Variants in RSPO3 observed in about 807,000 individuals in gnomAD.
The protein encoded by RSPO3 is R-spondin-3.
In RSPO3, 17 loss-of-function variants were observed where a neutral mutation model predicts 36.5. That is an observed-to-expected ratio of 0.47 (90% CI 0.32 to 0.70). The LOEUF (loss-of-function observed/expected upper bound fraction) is 0.70. Ranked by LOEUF, RSPO3 falls within the 30% of genes least tolerant of loss-of-function variation. The probability of loss-of-function intolerance (pLI) is 0.04; values close to 1 mark genes in which losing one functional copy is unlikely to be tolerated. For missense variants in RSPO3, 294 were observed against 322.5 expected, an observed-to-expected ratio of 0.91 and a Z score of 0.68; for synonymous variants, 108 against 107.0, an observed-to-expected ratio of 1.01 and a Z score of -0.06.
At position 127,197,611 on chromosome 6, in the gene RSPO3, C is replaced by A; in HGVS notation, c.*1604C>A. ...GTGATTCCTAGCCCTCTCAAGATCA[C>A]TGCTTTCTGAAGAATTTGCAATGAC... On this transcript the variant is annotated 3_prime_UTR_variant, in exon 5 of 5. Transcript: ENST00000356698. 6.8e-7 allele frequency: 1 copy of A among 1,464,010 alleles called. No homozygotes were observed. Among genetic ancestry groups the A allele is most frequent in the Non-Finnish European group, 9.1e-7 (1 of 1,102,246 alleles). The allele number at this position is 1,464,010 out of a possible 1,614,324, so 90.7% of individuals were successfully genotyped here.
chr6:127,157,164 A>G (rs1483499508), intron 4 of RSPO3, among the ~76,000 whole-genome samples: 1 of 152,142 alleles, frequency 6.6e-6, no homozygotes, highest in Non-Finnish European at 1.5e-5. Context: ...CAAATATTTC[A>G]TCACTCTACT....
Position 127,197,604 on chromosome 6 carries a change from A to C in RSPO3, c.*1597A>C. ...GTCCACTGTGATTCCTAGCCCTCTC[A>C]AGATCACTGCTTTCTGAAGAATTTG... On this transcript the variant is annotated 3_prime_UTR_variant, in exon 5 of 5. Transcript: ENST00000356698. The C allele has an allele frequency of 4.9e-5, 73 of 1,478,454 alleles. No individual in the cohort carries two copies. Among genetic ancestry groups the C allele is most frequent in the Non-Finnish European group, 5.5e-5 (61 of 1,109,378 alleles). The allele number at this position is 1,478,454 out of a possible 1,614,324, so 91.6% of individuals were successfully genotyped here.
Position 127,144,643 on chromosome 6 carries a change from G to GTTTTTTT in RSPO3, c.98-3998_98-3992dup, listed in dbSNP as rs56388820. On this transcript the variant is annotated intron_variant, in intron 1 of 4. Coordinates refer to ENST00000356698, the MANE Select transcript of RSPO3 (RefSeq NM_032784.5). ...TGTAATTTTTCAGTAGCTTCCCCTT[G>GTTTTTTT]TTTTTTTTTTTTTCAGACAGAGTCT... Among the ~76,000 whole-genome samples, 15 of 99,120 alleles carry GTTTTTTT rather than the reference G, an allele frequency of 1.5e-4. 2 individuals carry two copies. The highest frequency in any genetic ancestry group is 5.8e-4 in the African/African-American group (14 of 24,108). 65.0% of individuals were successfully genotyped at this position (99,120 alleles called of 152,430 possible).
chr6:127,124,072 A>G (rs1240558775), intron 1 of RSPO3, among the ~76,000 whole-genome samples: 1 of 152,078 alleles, frequency 6.6e-6, no homozygotes, highest in Non-Finnish European at 1.5e-5. Flanking sequence ...ATCCTATGCA[A>G]TGTTGGCAGA....
chr6:127,173,019 C>T (rs1774972450), intron 4 of RSPO3, among the ~76,000 whole-genome samples: 1 of 151,770 alleles, frequency 6.6e-6, no homozygotes, highest in African/African-American at 2.4e-5. Context: ...CACTTTTGCC[C>T]TGTGTTCAAG....
At chr6:127,166,475 A>G (rs1774822797) in intron 4 of RSPO3, among the ~76,000 whole-genome samples, 3 of 152,004 alleles carry the variant, frequency 2.0e-5, no homozygotes, top group Admixed American at 1.3e-4. Context: ...AACTATCGCT[A>G]TGACTTTAAG....
chr6:127,174,635 GAACTAGT>G (rs61097238), intron 4 of RSPO3, among the ~76,000 whole-genome samples: 70,292 of 151,056 alleles, frequency 0.47, 16,436 homozygotes, highest in East Asian at 0.53. Context: ...CACTAGAATG[GAACTAGT>G]CTTACTCTGT....
Position 127,119,225 on chromosome 6 carries a change from C to G in RSPO3, c.33C>G (p.Ile11Met). MHLRLISWLF[I>M]ILNFMEYIGS... ...TGCGACTGATTTCTTGGCTTTTTAT[C>G]ATTTTGAACTTTATGGAATACATCG... Residue 11 changes from isoleucine (I) to methionine (M), a missense_variant, in exon 1 of 5, where the codon ATC (isoleucine) becomes ATG (methionine). Coordinates refer to ENST00000356698, the MANE Select transcript of RSPO3 (RefSeq NM_032784.5). 6.2e-7 allele frequency: 1 copy of G among 1,613,912 alleles called. No homozygotes were observed.
intron 1 of RSPO3, among the ~76,000 whole-genome samples, chr6:127,144,517 C>G (rs1774340328): frequency 6.6e-6 from 1 of 151,962 alleles, no homozygotes; most frequent in Non-Finnish European, 1.5e-5. Context: ...CTGAAAGCAA[C>G]AGTGAGTGAC....
intron 3 of RSPO3, among the ~76,000 whole-genome samples, chr6:127,151,255 T>A (rs1048591044): frequency 3.9e-5 from 6 of 151,960 alleles, no homozygotes; most frequent in Non-Finnish European, 8.8e-5. Flanking sequence ...CTGGGGCTGA[T>A]TAATTGCAGG....
At chr6:127,188,761 G>A (rs1411577324) in intron 4 of RSPO3, among the ~76,000 whole-genome samples, 1 of 152,096 alleles carries the variant, frequency 6.6e-6, no homozygotes, top group Admixed American at 6.6e-5. Context: ...TTTCTGATAA[G>A]CAGCTTTTCC....
chr6:127,196,003 A>G lies in RSPO3; in HGVS notation c.815A>G (p.His272Arg), dbSNP rs1775508481. Residue 272 changes from histidine (H) to arginine (R), a missense_variant, in exon 5 of 5, where the codon CAC becomes CGC. Physicochemically the swap from His to Arg is conservative, Grantham distance 29 (BLOSUM62 0). This residue lies in a region of RSPO3 where 190 missense variants were observed against 185.2 expected (regional missense o/e 1.03). Coordinates refer to ENST00000356698, the MANE Select transcript of RSPO3 (RefSeq NM_032784.5). ...KQKSVSVSTV[H>R] is the part of the protein sequence containing the mutation. ...AAATCGGTATCAGTCAGCACTGTAC[A>G]CTAGAGGGTTCCATGAGATTATTGT... 2.5e-6 allele frequency: 4 copies of G among 1,602,256 alleles called. No individual in the cohort carries two copies. Among genetic ancestry groups the G allele is most frequent in the Middle Eastern group, 1.7e-4 (1 of 6,016 alleles).
intron 1 of RSPO3, among the ~76,000 whole-genome samples, chr6:127,141,463 A>C (rs549125652): frequency 6.6e-6 from 1 of 152,140 alleles, no homozygotes; most frequent in Non-Finnish European, 1.5e-5. Context: ...CTGTGGCTTT[A>C]TTTTAAAGTA....
In RSPO3 at chr6:127,183,377, C is replaced by A. The variant is rs116890375; in HGVS notation, c.635-12446C>A. Among the ~76,000 whole-genome samples, 232 of 152,040 alleles carry A rather than the reference C, an allele frequency of 1.5e-3. 2 individuals carry two copies. In the East Asian group the frequency reaches 0.037, roughly 24 times the overall value. On this transcript the variant is annotated intron_variant, in intron 4 of 4. Transcript: ENST00000356698. ...AAACATGATATAGCTCTCTGGAGTT[C>A]ACTGTAATCTCTTGAAGCTGATATT...
chr6:127,134,900 T>A (rs1249487919), intron 1 of RSPO3, among the ~76,000 whole-genome samples: 1 of 152,174 alleles, frequency 6.6e-6, no homozygotes, highest in Non-Finnish European at 1.5e-5. Context: ...TCTGACCTAA[T>A]GAATAGCTTT....
intron 4 of RSPO3, among the ~76,000 whole-genome samples, chr6:127,189,110 T>C (rs1775357021): frequency 1.3e-5 from 2 of 152,114 alleles, no homozygotes; most frequent in East Asian, 1.9e-4. Context: ...CTAATAAAAG[T>C]GTGTGTTGAA....
At chr6:127,120,325 C>A (rs553174480) in intron 1 of RSPO3, among the ~76,000 whole-genome samples, 1 of 152,276 alleles carries the variant, frequency 6.6e-6, no homozygotes, top group South Asian at 2.1e-4. Flanking sequence ...GGAGTCCTTT[C>A]GCAGATCTCA....
In RSPO3 at chr6:127,118,928, C is replaced by A. The variant is rs1773773798; in HGVS notation, c.-265C>A. ...GCGGCCGCCCCGGCGGCTCCTGGAA[C>A]CCCGGTTCGCGGCGATGCCAGCCAC... On this transcript the variant is annotated 5_prime_UTR_variant, in exon 1 of 5. Transcript: ENST00000356698. 3.6e-6 allele frequency: 1 copy of A among 280,342 alleles called. No homozygotes were observed. The highest frequency in any genetic ancestry group is 6.6e-6 in the Non-Finnish European group (1 of 151,892). The allele number at this position is 280,342 out of a possible 1,614,324, so 17.4% of individuals were successfully genotyped here. A position where few individuals can be genotyped will look rare whatever the true frequency, so the allele number is the denominator to read the frequency against.
intron 1 of RSPO3, among the ~76,000 whole-genome samples, chr6:127,137,768 T>C (rs1282501184): frequency 6.6e-6 from 1 of 152,220 alleles, no homozygotes; most frequent in Non-Finnish European, 1.5e-5. Context: ...CATTCCTATC[T>C]GTTCTCTGTA....
Sources: gnomAD v4.1 joint callset for allele counts (sites outside exome capture counted in the v4.1 genomes callset) on GRCh38, gnomAD v4.1.1 for gene constraint, gnomAD v4.1.1 regional missense constraint, MANE v1.5 for transcripts, NCBI Gene and HGNC (gene_info 2026-07-23, HGNC 2026-07-21) for gene names.